The following PPM1L variants were observed in gnomAD, a reference collection of about 807,000 sequenced individuals.
The protein encoded by PPM1L is protein phosphatase, Mg2+/Mn2+ dependent 1L, also known as protein phosphatase 1L.
PPM1L carries 13 observed loss-of-function variants against 31.4 expected under a neutral mutation model. That is an observed-to-expected ratio of 0.41 (90% CI 0.27 to 0.66). PPM1L has a LOEUF of 0.66. PPM1L is among the 30% of genes least tolerant of loss of function. PPM1L has a pLI of 0.29. For missense variants in PPM1L, 326 were observed against 453.7 expected (o/e 0.72, Z 2.56); for synonymous variants, 184 against 175.4 (o/e 1.05, Z -0.39).
intron 1 of PPM1L, among the ~76,000 whole-genome samples, chr3:160,846,300 C>T (rs1186507940): frequency 2.0e-5 from 3 of 152,058 alleles, no homozygotes; most frequent in Non-Finnish European, 4.4e-5. Flanking sequence ...ACCTCATTAA[C>T]AGAATATAAA....
chr3:161,052,392 G>A (rs1018604965), intron 2 of PPM1L, among the ~76,000 whole-genome samples: 1 of 152,180 alleles, frequency 6.6e-6, no homozygotes, highest in African/African-American at 2.4e-5. Flanking sequence ...TTCATGGGCA[G>A]GAAAACTCAC....
chr3:160,801,595 G>C (rs927428992), intron 1 of PPM1L, among the ~76,000 whole-genome samples: 5 of 152,180 alleles, frequency 3.3e-5, no homozygotes, highest in Non-Finnish European at 5.9e-5. Flanking sequence ...ATGAAACTTG[G>C]CATAGCACAG....
At chr3:160,773,252 T>C (rs1398545162) in intron 1 of PPM1L, among the ~76,000 whole-genome samples, 1 of 152,254 alleles carries the variant, frequency 6.6e-6, no homozygotes, top group Non-Finnish European at 1.5e-5. Context: ...TAACTAATGA[T>C]ATTGAGCATA....
At chr3:161,034,419 A>G (rs1013216329) in intron 2 of PPM1L, among the ~76,000 whole-genome samples, 4 of 152,220 alleles carry the variant, frequency 2.6e-5, no homozygotes, top group African/African-American at 4.8e-5. Context: ...ACTGTTCACA[A>G]TAGCAAAGAC....
At chr3:160,857,799 C>T (rs565227595) in intron 1 of PPM1L, among the ~76,000 whole-genome samples, 1 of 152,342 alleles carries the variant, frequency 6.6e-6, no homozygotes, top group Non-Finnish European at 1.5e-5. Context: ...CTTAAACTCT[C>T]TAGCCCACAT....
intron 1 of PPM1L, among the ~76,000 whole-genome samples, chr3:160,759,745 G>A (rs1463660159): frequency 2.6e-5 from 4 of 152,112 alleles, no homozygotes; most frequent in Admixed American, 2.0e-4. Context: ...AGGAAAAAAC[G>A]CCTTGAAGGT....
chr3:160,823,368 AT>A (rs199918303), intron 1 of PPM1L, among the ~76,000 whole-genome samples: 12,849 of 142,060 alleles, frequency 0.09, 573 homozygotes, highest in African/African-American at 0.15. Context: ...TGTATAAATG[AT>A]TTTTTTTTTT....
intron 1 of PPM1L, among the ~76,000 whole-genome samples, chr3:160,846,351 T>C (rs1714074509): frequency 6.6e-6 from 1 of 152,126 alleles, no homozygotes; most frequent in African/African-American, 2.4e-5. Flanking sequence ...GTTATTTTGC[T>C]CTAAGACAAA....
Position 160,897,276 on chromosome 3 carries a change from C to G in PPM1L, c.400-64460C>G, listed in dbSNP as rs7636214. Reference sequence around the variant, plus strand: ...CAGGATGGTCTCGATCTCTTGACCTCGTGATCCACCCGACTTGGCCTCCCA... The same window carrying G: ...CAGGATGGTCTCGATCTCTTGACCTGGTGATCCACCCGACTTGGCCTCCCA... On this transcript the variant is annotated intron_variant, in intron 1 of 3. Transcript: ENST00000498165. Among the ~76,000 whole-genome samples the G allele has an allele frequency of 3.9e-5, 6 of 152,112 alleles. No homozygotes were observed. In the South Asian group the frequency reaches 6.2e-4, roughly 16 times the overall value.
chr3:161,058,478 C>A (rs1412573578), intron 2 of PPM1L, among the ~76,000 whole-genome samples: 1 of 151,752 alleles, frequency 6.6e-6, no homozygotes, highest in Non-Finnish European at 1.5e-5. Flanking sequence ...GTTTTTTAGT[C>A]ATTTAGTCAT....
intron 1 of PPM1L, among the ~76,000 whole-genome samples, chr3:160,930,859 A>G (rs1714763989): frequency 6.6e-6 from 1 of 151,938 alleles, no homozygotes; most frequent in African/African-American, 2.4e-5. Flanking sequence ...ACTGGGGGAG[A>G]ATTCCATACC....
chr3:160,983,354 T>G (rs1440400686), intron 2 of PPM1L, among the ~76,000 whole-genome samples: 1 of 151,946 alleles, frequency 6.6e-6, no homozygotes, highest in African/African-American at 2.4e-5. Context: ...TGCAGGATAA[T>G]CAGCATTCCA....
At chr3:160,980,707 A>AG (rs61435486) in intron 2 of PPM1L, among the ~76,000 whole-genome samples, 66,548 of 121,162 alleles carry the variant, frequency 0.55, 16,084 homozygotes, top group East Asian at 0.69. Context: ...AAAGAGAGAG[A>AG]AAAAAAAAGA....
In PPM1L at chr3:160,801,596, C is replaced by G. The variant is rs538627998; in HGVS notation, c.399+44889C>G. On this transcript the variant is annotated intron_variant, in intron 1 of 3. Transcript: ENST00000498165. ...CTTGTGCTGATGTGATGAAACTTGG[C>G]ATAGCACAGTCCTCCAGCAGAGCAG... Among the ~76,000 whole-genome samples, 4 of 152,348 alleles carry G rather than the reference C, an allele frequency of 2.6e-5. No homozygotes were observed. The South Asian group carries it at 8.3e-4, about 32-fold the overall frequency.
chr3:160,869,942 A>G (rs1712242770), intron 1 of PPM1L, among the ~76,000 whole-genome samples: 1 of 152,194 alleles, frequency 6.6e-6, no homozygotes, highest in African/African-American at 2.4e-5. Flanking sequence ...CGTTGTTGCT[A>G]GAATCACGTG....
intron 2 of PPM1L, among the ~76,000 whole-genome samples, chr3:160,981,732 T>TTCTATTTATTTA (rs1716805013): frequency 7.2e-6 from 1 of 139,854 alleles, no homozygotes; most frequent in Non-Finnish European, 1.5e-5. Context: ...TTCCTTCTCA[T>TTCTATTTATTTA]TTTATTTATT....
Position 160,874,280 on chromosome 3 carries a change from A to T in PPM1L, c.400-87456A>T, listed in dbSNP as rs140264279. 3.2e-3 allele frequency among the ~76,000 whole-genome samples: 491 copies of T among 152,288 alleles called. 2 individuals carry two copies. Among genetic ancestry groups the T allele is most frequent in the African/African-American group, 0.011 (456 of 41,576 alleles). Reference sequence around the variant, plus strand: ...CAGTGGTGGTGTTGAGAGTCCAGCGACATCATTGTCTAGTTGCAGCAGTGG... The same window carrying T: ...CAGTGGTGGTGTTGAGAGTCCAGCGTCATCATTGTCTAGTTGCAGCAGTGG... On this transcript the variant is annotated intron_variant, in intron 1 of 3. Transcript: ENST00000498165.
intron 1 of PPM1L, among the ~76,000 whole-genome samples, chr3:160,903,130 G>A (rs946364103): frequency 4.7e-5 from 7 of 148,972 alleles, no homozygotes; most frequent in African/African-American, 1.5e-4. Flanking sequence ...TAGTAGCTGT[G>A]TCAGTCAGGG....
Position 160,989,529 on chromosome 3 carries a change from C to G in PPM1L, c.574+27619C>G, listed in dbSNP as rs911822662. Among the ~76,000 whole-genome samples, 2 of 151,960 alleles carry G rather than the reference C, an allele frequency of 1.3e-5. 1 individual carries two copies. Among genetic ancestry groups the G allele is most frequent in the South Asian group, 4.1e-4 (2 of 4,820 alleles). ...CAGTGATTCTCCTGCCTCAGCCTCC[C>G]GAGTAACTGGAATTACAGGTGCCCT... On this transcript the variant is annotated intron_variant, in intron 2 of 3. Transcript: ENST00000498165.
Sources: allele counts gnomAD v4.1 joint callset (sites outside exome capture counted in the v4.1 genomes callset), GRCh38; gene constraint gnomAD v4.1.1; transcripts MANE v1.5; gene names NCBI Gene and HGNC (gene_info 2026-07-23, HGNC 2026-07-21).